Variants in ANKS1B observed in about 807,000 individuals in gnomAD.
ANKS1B encodes ankyrin repeat and sterile alpha motif domain containing 1B.
ANKS1B carries 36 observed loss-of-function variants against 148.3 expected under a neutral mutation model. The observed-to-expected ratio is 0.24, with a 90% confidence interval of 0.19 to 0.32. ANKS1B has a LOEUF of 0.32. Among genes scored for constraint, ANKS1B ranks in the 10% least tolerant of loss-of-function variants. ANKS1B has a pLI of 1.00. For missense variants in ANKS1B, 1,157 were observed against 1,542.6 expected, an observed-to-expected ratio of 0.75 and a Z score of 4.19; for synonymous variants, 542 against 560.8, an observed-to-expected ratio of 0.97 and a Z score of 0.47.
intron 8 of ANKS1B, among the ~76,000 whole-genome samples, chr12:99,680,742 T>C (rs2098609733): frequency 6.6e-6 from 1 of 152,132 alleles, no homozygotes; most frequent in African/African-American, 2.4e-5. Flanking sequence ...GGTAGGCTTG[T>C]AGCCTGGTAC....
At chr12:99,944,717 A>G (rs1430298647) in intron 1 of ANKS1B, among the ~76,000 whole-genome samples, 2 of 152,160 alleles carry the variant, frequency 1.3e-5, no homozygotes. Flanking sequence ...ATTAAGAAGC[A>G]TACTGAATCT....
chr12:99,655,041 G>T (rs1356860153), intron 9 of ANKS1B, 26 bp downstream of exon 9: 1 of 1,533,828 alleles, frequency 6.5e-7, no homozygotes, highest in South Asian at 1.3e-5. Flanking sequence ...TTGTTTTATT[G>T]TACCTTAATA....
At chr12:99,259,808 T>C (rs531224668) in intron 12 of ANKS1B, among the ~76,000 whole-genome samples, 112 of 152,312 alleles carry the variant, frequency 7.4e-4, no homozygotes, top group Non-Finnish European at 1.4e-3. Context: ...ACTAACTTCT[T>C]TGTTTCCCAT....
chr12:98,946,106 C>T (rs1007552429), intron 17 of ANKS1B, among the ~76,000 whole-genome samples: 2 of 152,202 alleles, frequency 1.3e-5, no homozygotes, highest in Non-Finnish European at 2.9e-5. Context: ...CCCCTGGCAA[C>T]CAAGACTGGT....
intron 1 of ANKS1B, among the ~76,000 whole-genome samples, chr12:99,946,438 A>T (rs528705656): frequency 1.3e-5 from 2 of 152,164 alleles, no homozygotes; most frequent in Non-Finnish European, 2.9e-5. Flanking sequence ...GTGTCCTCAC[A>T]TGACAAAGAG....
At chr12:99,547,852 T>C (rs758232734) in intron 9 of ANKS1B, among the ~76,000 whole-genome samples, 1 of 152,168 alleles carries the variant, frequency 6.6e-6, no homozygotes, top group Non-Finnish European at 1.5e-5. Context: ...TAGAAGAGTT[T>C]ATGCTAGATT....
chr12:98,994,605 T>G (rs2099928472), intron 17 of ANKS1B, among the ~76,000 whole-genome samples: 1 of 152,162 alleles, frequency 6.6e-6, no homozygotes, highest in Non-Finnish European at 1.5e-5. Flanking sequence ...GGTAAAAGAT[T>G]GAGTGGCTTA....
intron 15 of ANKS1B, among the ~76,000 whole-genome samples, chr12:99,121,091 A>T (rs2062687127): frequency 6.6e-6 from 1 of 151,552 alleles, no homozygotes; most frequent in Admixed American, 6.6e-5. Flanking sequence ...TCCAAAATTT[A>T]GACTTTTTTT....
intron 22 of ANKS1B, among the ~76,000 whole-genome samples, chr12:98,794,265 G>A (rs1401909152): frequency 1.3e-5 from 2 of 151,694 alleles, no homozygotes; most frequent in Non-Finnish European, 2.9e-5. Context: ...GGTGGCAGGC[G>A]CCTGTAACCC....
At chr12:98,943,872 A>G (rs1286025432) in intron 17 of ANKS1B, among the ~76,000 whole-genome samples, 1 of 152,298 alleles carries the variant, frequency 6.6e-6, no homozygotes, top group Middle Eastern at 3.4e-3. Context: ...TTGAAATGTA[A>G]TCTCCAGCGT....
At chr12:99,129,526 T>A (rs1048264058) in intron 15 of ANKS1B, among the ~76,000 whole-genome samples, 1 of 152,052 alleles carries the variant, frequency 6.6e-6, no homozygotes, top group Non-Finnish European at 1.5e-5. Flanking sequence ...CCACTTTGGG[T>A]CTGATTTGGT....
intron 1 of ANKS1B, among the ~76,000 whole-genome samples, chr12:99,848,299 G>T (rs1036765847): frequency 6.6e-6 from 1 of 152,140 alleles, no homozygotes; most frequent in African/African-American, 2.4e-5. Context: ...GGAAGAATGG[G>T]GGCCAGGGAC....
At chr12:99,154,176 A>T (rs1366402988) in intron 15 of ANKS1B, 113 bp downstream of exon 15, 118 of 1,306,486 alleles carry the variant, frequency 9.0e-5, no homozygotes, top group Non-Finnish European at 1.2e-4. Flanking sequence ...ATGCAGTTAC[A>T]TATATAAATC....
chr12:99,128,489 T>G (rs896609550), intron 15 of ANKS1B, among the ~76,000 whole-genome samples: 2 of 152,128 alleles, frequency 1.3e-5, no homozygotes, highest in Non-Finnish European at 1.5e-5. Context: ...CCTATTAGAA[T>G]GCTGTGTGTG....
Position 99,108,597 on chromosome 12 carries a change from C to T in ANKS1B, c.2527-23574G>A, listed in dbSNP as rs112997837. On this transcript the variant is annotated intron_variant, in intron 15 of 26. Coordinates refer to ENST00000683438, the MANE Select transcript of ANKS1B (RefSeq NM_001352186.2). ...TTATAAATAGATAAAGAAGGTAGTGCTTGTTCTGTTTTGTTTCATAAAAGA... is the reference window on the plus strand; with the variant it reads ...TTATAAATAGATAAAGAAGGTAGTGTTTGTTCTGTTTTGTTTCATAAAAGA... 2.5e-3 allele frequency among the ~76,000 whole-genome samples: 388 copies of T among 152,180 alleles called. 2 individuals carry two copies. The highest frequency in any genetic ancestry group is 4.5e-3 in the Non-Finnish European group (306 of 67,992).
intron 17 of ANKS1B, among the ~76,000 whole-genome samples, chr12:98,941,687 G>C (rs1249853082): frequency 1.3e-5 from 2 of 152,086 alleles, no homozygotes; most frequent in South Asian, 2.1e-4. Flanking sequence ...CGTGGTAGCG[G>C]GACTATGGTG....
chr12:98,950,643 A>G (rs2099852737), intron 17 of ANKS1B, among the ~76,000 whole-genome samples: 1 of 152,056 alleles, frequency 6.6e-6, no homozygotes, highest in Admixed American at 6.6e-5. Context: ...CTGCCCCCCA[A>G]AAGTCTGATT....
chr12:98,749,796 G>T (rs1413979017), intron 26 of ANKS1B, among the ~76,000 whole-genome samples: 2 of 152,172 alleles, frequency 1.3e-5, no homozygotes, highest in African/African-American at 4.8e-5. Context: ...GTCTCAAGGA[G>T]CTATACTGCA....
intron 15 of ANKS1B, among the ~76,000 whole-genome samples, chr12:99,139,991 T>A (rs1293610277): frequency 6.6e-6 from 1 of 152,234 alleles, no homozygotes; most frequent in Non-Finnish European, 1.5e-5. Context: ...TATTTGTTAA[T>A]ATACTTCACA....
Sources: gnomAD v4.1 joint callset for allele counts (sites outside exome capture counted in the v4.1 genomes callset) on GRCh38, gnomAD v4.1.1 for gene constraint, MANE v1.5 for transcripts, NCBI Gene and HGNC (gene_info 2026-07-23, HGNC 2026-07-21) for gene names.